TAFA5: variants seen among roughly 807,000 people sequenced by gnomAD.
TAFA5 encodes the protein chemokine-like protein TAFA-5.
A neutral mutation model predicts 15.3 loss-of-function variants in TAFA5; 6 were observed. The observed-to-expected ratio is 0.39, with a 90% confidence interval of 0.21 to 0.77. The LOEUF (loss-of-function observed/expected upper bound fraction) is 0.77, where lower values mean the gene tolerates loss of function less well. Among genes scored for constraint, TAFA5 ranks in the 30% least tolerant of loss-of-function variants. The probability of loss-of-function intolerance (pLI) is 0.41; values close to 1 mark genes in which losing one functional copy is unlikely to be tolerated. For synonymous variants in TAFA5, 103 were observed against 80.7 expected (o/e 1.28, Z -1.48); for missense variants, 161 against 193.1 (o/e 0.83, Z 0.98).
At chr22:48,622,865 C>T (rs1209921832) in intron 1 of TAFA5, among the ~76,000 whole-genome samples, 3 of 152,178 alleles carry the variant, frequency 2.0e-5, no homozygotes, top group Non-Finnish European at 4.4e-5. Flanking sequence ...CTGGAGGTCT[C>T]GGCTGTGTGG....
chr22:48,498,698 G>A (rs1245922854), intron 1 of TAFA5, among the ~76,000 whole-genome samples: 1 of 152,124 alleles, frequency 6.6e-6, no homozygotes, highest in East Asian at 1.9e-4. Context: ...GCGGGGCTTT[G>A]CGAGCACCCC....
At chr22:48,501,236 G>A (rs1019953472) in intron 1 of TAFA5, among the ~76,000 whole-genome samples, 1 of 152,214 alleles carries the variant, frequency 6.6e-6, no homozygotes, top group Non-Finnish European at 1.5e-5. Context: ...GGATTGATTG[G>A]AGTGAGGCCT....
chr22:48,606,345 C>A (rs28406357), intron 1 of TAFA5, among the ~76,000 whole-genome samples: 19,363 of 152,144 alleles, frequency 0.13, 1,335 homozygotes, highest in African/African-American at 0.16. Context: ...TCTCAGCCCC[C>A]AGGGATACTC....
chr22:48,651,076 C>T (rs1927038549), intron 2 of TAFA5, among the ~76,000 whole-genome samples: 1 of 152,252 alleles, frequency 6.6e-6, no homozygotes, highest in Non-Finnish European at 1.5e-5. Flanking sequence ...CAAGGTCTTC[C>T]TTTATGAAGA....
chr22:48,536,384 A>T (rs1029648675), intron 1 of TAFA5, among the ~76,000 whole-genome samples: 22 of 152,228 alleles, frequency 1.4e-4, no homozygotes, highest in African/African-American at 5.1e-4. Context: ...TCCATAAAAG[A>T]CGAGCCCGGA....
chr22:48,696,118 A>T (rs1928704021), intron 2 of TAFA5, among the ~76,000 whole-genome samples: 1 of 152,110 alleles, frequency 6.6e-6, no homozygotes, highest in Non-Finnish European at 1.5e-5. Context: ...TCGGGGTTCG[A>T]TGGGCGGGTG....
Position 48,489,638 on chromosome 22 carries a change from C to T in TAFA5, c.46C>T (p.Leu16=). The part of the protein sequence containing the change: ...RTGSRQDATA[L]PSMSSTFWAF... ...CGGCAGCCGGCAAGATGCGACCGCCCTGCCCAGCATGTCCTCAACTTTCTG... is the reference window on the plus strand; with the variant it reads ...CGGCAGCCGGCAAGATGCGACCGCCTTGCCCAGCATGTCCTCAACTTTCTG... Residue 16 remains leucine, a synonymous_variant, in exon 1 of 4, where the codon CTG becomes TTG. Transcript: ENST00000402357. This position sits in a 1 kb window ranked among gnomAD's most constrained non-coding sequence, Gnocchi z 5.5. 2.0e-6 allele frequency: 3 copies of T among 1,524,870 alleles called. No homozygotes were observed. Among genetic ancestry groups the T allele is most frequent in the Non-Finnish European group, 2.6e-6 (3 of 1,136,208 alleles). 94.5% of individuals were successfully genotyped at this position (1,524,870 alleles called of 1,614,324 possible).
At chr22:48,680,067 C>T (rs919422171) in intron 2 of TAFA5, among the ~76,000 whole-genome samples, 7 of 152,226 alleles carry the variant, frequency 4.6e-5, no homozygotes, top group African/African-American at 1.2e-4. Flanking sequence ...GGCACCCACC[C>T]GTGGTCTCAC....
intron 1 of TAFA5, among the ~76,000 whole-genome samples, chr22:48,521,007 G>A (rs575353833): frequency 2.6e-5 from 4 of 152,318 alleles, no homozygotes; most frequent in Admixed American, 2.6e-4. Context: ...GTGTTCAAAA[G>A]ATGTCTCTTT....
At chr22:48,688,600 C>G (rs534898379) in intron 2 of TAFA5, among the ~76,000 whole-genome samples, 5 of 152,256 alleles carry the variant, frequency 3.3e-5, no homozygotes, top group African/African-American at 1.2e-4. Context: ...TTTCCCTGGC[C>G]GGCTCCTCCC....
intron 1 of TAFA5, among the ~76,000 whole-genome samples, chr22:48,593,484 G>A (rs1924649612): frequency 6.6e-6 from 1 of 151,996 alleles, no homozygotes; most frequent in Non-Finnish European, 1.5e-5. Context: ...CTCGGGGGGT[G>A]TCTCAGGGCA....
At chr22:48,575,529 G>A (rs1923742516) in intron 1 of TAFA5, among the ~76,000 whole-genome samples, 1 of 145,910 alleles carries the variant, frequency 6.9e-6, no homozygotes. Flanking sequence ...GCGCCTCCAG[G>A]CCGGAGCAGC....
intron 1 of TAFA5, among the ~76,000 whole-genome samples, chr22:48,510,432 T>C (rs1321163228): frequency 6.6e-6 from 1 of 152,258 alleles, no homozygotes; most frequent in Non-Finnish European, 1.5e-5. Flanking sequence ...ATGTTCACCA[T>C]GGCTCTTTGG....
At chr22:48,513,896 G>C (rs1921312531) in intron 1 of TAFA5, among the ~76,000 whole-genome samples, 1 of 152,186 alleles carries the variant, frequency 6.6e-6, no homozygotes, top group African/African-American at 2.4e-5. Context: ...GGTGTTCTCA[G>C]CTTGGATGAG....
chr22:48,660,603 G>A (rs1927402276), intron 2 of TAFA5, among the ~76,000 whole-genome samples: 2 of 152,230 alleles, frequency 1.3e-5, no homozygotes, highest in Admixed American at 6.5e-5. Context: ...CCTGTTTTCA[G>A]GAGAACAGCT....
Position 48,531,155 on chromosome 22 carries a change from G to A in TAFA5, c.112+41451G>A, listed in dbSNP as rs1921958170. ...TCCAGGAAGTGTGGGTCTGCATGGGGAACCTTCTGCTTTTGTGATGAGCTG... is the reference window on the plus strand; with the variant it reads ...TCCAGGAAGTGTGGGTCTGCATGGGAAACCTTCTGCTTTTGTGATGAGCTG... On this transcript the variant is annotated intron_variant, in intron 1 of 3. Coordinates refer to ENST00000402357, the MANE Select transcript of TAFA5 (RefSeq NM_001082967.3). 2.0e-5 allele frequency among the ~76,000 whole-genome samples: 3 copies of A among 152,058 alleles called. No individual in the cohort carries two copies. The South Asian group carries it at 6.2e-4, about 32-fold the overall frequency.
intron 3 of TAFA5, among the ~76,000 whole-genome samples, chr22:48,728,121 C>G (rs117149896): frequency 6.6e-6 from 1 of 152,256 alleles, no homozygotes; most frequent in East Asian, 1.9e-4. Flanking sequence ...AGTATACAAA[C>G]AAGGCTGCTT....
chr22:48,534,424 C>G (rs1185934686), intron 1 of TAFA5, among the ~76,000 whole-genome samples: 1 of 152,074 alleles, frequency 6.6e-6, no homozygotes, highest in East Asian at 1.9e-4. Flanking sequence ...CGGGGGTAAC[C>G]CTGCATGGCC....
intron 3 of TAFA5, among the ~76,000 whole-genome samples, chr22:48,733,082 C>T (rs1423625502): frequency 5.3e-5 from 8 of 152,152 alleles, no homozygotes; most frequent in Non-Finnish European, 2.9e-5. Context: ...GTGATATTTA[C>T]TTTATTGCGG....
Sources: gnomAD v4.1 joint callset for allele counts (sites outside exome capture counted in the v4.1 genomes callset) on GRCh38, gnomAD v4.1.1 for gene constraint, Gnocchi (gnomAD v3.1) non-coding constraint, MANE v1.5 for transcripts, NCBI Gene and HGNC (gene_info 2026-07-23, HGNC 2026-07-21) for gene names.